SPTBN1: variants seen among roughly 807,000 people sequenced by gnomAD.
The protein encoded by SPTBN1 is spectrin beta, non-erythrocytic 1.
In SPTBN1, 32 loss-of-function variants were observed where a neutral mutation model predicts 266.4. The observed-to-expected ratio is 0.12, with a 90% CI of 0.09 to 0.16. The LOEUF (loss-of-function observed/expected upper bound fraction) is 0.16. Among genes scored for constraint, SPTBN1 ranks in the 10% least tolerant of loss-of-function variants. SPTBN1 has a pLI of 1.00. For synonymous variants in SPTBN1, 1,336 were observed against 1,162.2 expected (o/e 1.15, Z -3.04); for missense variants, 2,296 against 3,067.1 (o/e 0.75, Z 5.94).
intron 1 of SPTBN1, among the ~76,000 whole-genome samples, chr2:54,459,024 C>T (rs1333042499): frequency 1.3e-5 from 2 of 152,040 alleles, no homozygotes; most frequent in Non-Finnish European, 2.9e-5. Flanking sequence ...AATCGTGTTG[C>T]GTACAGATTT....
At chr2:54,490,191 C>A (rs1380117154) in intron 1 of SPTBN1, among the ~76,000 whole-genome samples, 2 of 152,064 alleles carry the variant, frequency 1.3e-5, no homozygotes, top group Non-Finnish European at 2.9e-5. Flanking sequence ...CTTCTTTCAG[C>A]CTCCTGAGTA....
intron 24 of SPTBN1, 41 bp downstream of exon 24, chr2:54,647,302 C>G (rs750385776): frequency 6.2e-7 from 1 of 1,606,880 alleles, no homozygotes; most frequent in Non-Finnish European, 8.5e-7. Flanking sequence ...GCTCTCGATT[C>G]CTCTCAGTTA....
chr2:54,659,352 C>A, intron 31 of SPTBN1, 86 bp downstream of exon 31: 1 of 1,300,310 alleles, frequency 7.7e-7, no homozygotes, highest in Non-Finnish European at 1.1e-6. Flanking sequence ...CCTTGCATTG[C>A]TAGGCCTAAC....
At position 54,558,611 on chromosome 2, in the gene SPTBN1, C is replaced by G; in HGVS notation, c.148+32045C>G. Reference sequence around the variant, plus strand: ...ACTCCTCGCGGAGCTAAGGTGGACTCTCTTGCAGCCAACTTCCCATCAGAT... The same window carrying G: ...ACTCCTCGCGGAGCTAAGGTGGACTGTCTTGCAGCCAACTTCCCATCAGAT... On this transcript the variant is annotated intron_variant, in intron 2 of 35. Transcript: ENST00000356805. This position sits in a 1 kb window ranked among gnomAD's most constrained non-coding sequence, Gnocchi z 4.6. 1 of 1,432,970 alleles carries G rather than the reference C, an allele frequency of 7.0e-7. No homozygotes were observed. Among genetic ancestry groups the G allele is most frequent in the South Asian group, 1.6e-5 (1 of 64,322 alleles). 88.8% of individuals were successfully genotyped at this position (1,432,970 alleles called of 1,614,324 possible). A position where few individuals can be genotyped will look rare whatever the true frequency, so the allele number is the denominator to read the frequency against.
chr2:54,529,876 AAAAAAAAAG>A lies in SPTBN1; in HGVS notation c.148+3311_148+3319del. 1.6e-4 allele frequency: 65 copies of A among 407,828 alleles called. 1 individual carries two copies. Among genetic ancestry groups the A allele is most frequent in the Non-Finnish European group, 2.4e-4 (52 of 219,428 alleles). The allele number at this position is 407,828 out of a possible 1,614,324, so 25.3% of individuals were successfully genotyped here. A position where few individuals can be genotyped will look rare whatever the true frequency, so the allele number is the denominator to read the frequency against. On this transcript the variant is annotated intron_variant, in intron 2 of 35. Transcript: ENST00000356805. ...CCAAAAAAAAAAAAAAAAAAAAAAA[AAAAAAAAAG>A]GTCCACTTGATGTGGGAGTGGTGTG...
intron 17 of SPTBN1, among the ~76,000 whole-genome samples, chr2:54,633,900 T>C (rs1462532208): frequency 1.3e-5 from 2 of 152,212 alleles, no homozygotes; most frequent in African/African-American, 4.8e-5. Context: ...GGCTGAACTA[T>C]ATGTTCTAGG....
intron 1 of SPTBN1, among the ~76,000 whole-genome samples, chr2:54,478,358 G>C (rs1667942786): frequency 1.3e-5 from 2 of 152,134 alleles, no homozygotes. Context: ...TCAAGGACCT[G>C]TAGTGGGTCC....
In SPTBN1 at chr2:54,668,726, G is replaced by T; in HGVS notation, c.*157G>T. 1.7e-6 allele frequency: 1 copy of T among 593,806 alleles called. No individual in the cohort carries two copies. Among genetic ancestry groups the T allele is most frequent in the Non-Finnish European group, 2.8e-6 (1 of 360,090 alleles). The allele number at this position is 593,806 out of a possible 1,614,324, so 36.8% of individuals were successfully genotyped here. Reference sequence around the variant, plus strand: ...ATAGAGCATTTCGGGGGGGGTGGGGGAAACACACCTAAACACTTTATCTCC... The same window carrying T: ...ATAGAGCATTTCGGGGGGGGTGGGGTAAACACACCTAAACACTTTATCTCC... On this transcript the variant is annotated 3_prime_UTR_variant, in exon 36 of 36. Transcript: ENST00000356805.
At chr2:54,570,236 C>T (rs1373724662) in intron 2 of SPTBN1, among the ~76,000 whole-genome samples, 2 of 152,158 alleles carry the variant, frequency 1.3e-5, no homozygotes, top group East Asian at 3.9e-4. Flanking sequence ...CCTTCTTAGC[C>T]TTTCTCTCTC....
At chr2:54,492,352 T>G (rs934711955) in intron 1 of SPTBN1, among the ~76,000 whole-genome samples, 7 of 150,524 alleles carry the variant, frequency 4.7e-5, no homozygotes, top group Admixed American at 2.0e-4. Context: ...TTTTTTTGTT[T>G]TTTTTTTTTT....
At chr2:54,667,915 T>C (rs1182250813) in intron 35 of SPTBN1, among the ~76,000 whole-genome samples, 1 of 152,158 alleles carries the variant, frequency 6.6e-6, no homozygotes, top group Non-Finnish European at 1.5e-5. Flanking sequence ...AGTGAGGTGG[T>C]CCCAGGACTG....
chr2:54,613,193 A>G (rs1392641514), intron 4 of SPTBN1, among the ~76,000 whole-genome samples: 1 of 152,222 alleles, frequency 6.6e-6, no homozygotes, highest in Non-Finnish European at 1.5e-5. Context: ...AAAGGCAGGA[A>G]CAACTTTGTA....
At chr2:54,541,764 A>C (rs1275461092) in intron 2 of SPTBN1, among the ~76,000 whole-genome samples, 1 of 152,236 alleles carries the variant, frequency 6.6e-6, no homozygotes, top group Non-Finnish European at 1.5e-5. Context: ...CATTTCAGTA[A>C]GGAATATATT....
intron 3 of SPTBN1, among the ~76,000 whole-genome samples, chr2:54,602,632 C>T (rs538947070): frequency 6.6e-6 from 1 of 152,264 alleles, no homozygotes; most frequent in South Asian, 2.1e-4. Context: ...TCAGTTATCA[C>T]TGGTTTTTGC....
intron 2 of SPTBN1, chr2:54,546,394 A>C: frequency 6.6e-6 from 1 of 152,204 alleles, no homozygotes; most frequent in East Asian, 1.9e-4. Flanking sequence ...TATCTGTTAA[A>C]GTGATCTGTA....
At chr2:54,615,296 G>C (rs554788626) in intron 4 of SPTBN1, among the ~76,000 whole-genome samples, 7 of 152,252 alleles carry the variant, frequency 4.6e-5, no homozygotes, top group South Asian at 2.1e-4. Flanking sequence ...AGGTAGTGGG[G>C]AGCATGACAG....
intron 4 of SPTBN1, among the ~76,000 whole-genome samples, chr2:54,615,138 T>C (rs1237145718): frequency 2.4e-4 from 2 of 8,470 alleles, no homozygotes; most frequent in African/African-American, 9.7e-3. Flanking sequence ...AATAGAGAAT[T>C]TTTTTTTAAT....
rs1680115432 is a variant in SPTBN1, at chr2:54,649,290, T to G, written c.5202+100T>G. On this transcript the variant is annotated intron_variant, in intron 25 of 35. Coordinates refer to ENST00000356805, the MANE Select transcript of SPTBN1 (RefSeq NM_003128.3). The surrounding 1 kb of genome is among the most constrained non-coding windows in gnomAD (Gnocchi z 6.7). Reference sequence around the variant, plus strand: ...TGTGAGCAGATAAAATGCCCTGGACTCCAATCAGAGGTCTTGGGGTTTAGT... The same window carrying G: ...TGTGAGCAGATAAAATGCCCTGGACGCCAATCAGAGGTCTTGGGGTTTAGT... 1.5e-6 allele frequency: 2 copies of G among 1,305,900 alleles called. No homozygotes were observed. Among genetic ancestry groups the G allele is most frequent in the African/African-American group, 2.9e-5 (2 of 67,814 alleles). 80.9% of individuals were successfully genotyped at this position (1,305,900 alleles called of 1,614,324 possible).
chr2:54,499,431 C>T (rs1024306290), intron 1 of SPTBN1, among the ~76,000 whole-genome samples: 1 of 152,066 alleles, frequency 6.6e-6, no homozygotes, highest in East Asian at 1.9e-4. Context: ...GGCTTTTGAA[C>T]CATAACTGAT....
Sources: gnomAD v4.1 joint callset for allele counts (sites outside exome capture counted in the v4.1 genomes callset) on GRCh38, gnomAD v4.1.1 for gene constraint, Gnocchi (gnomAD v3.1) non-coding constraint, MANE v1.5 for transcripts, NCBI Gene and HGNC (gene_info 2026-07-23, HGNC 2026-07-21) for gene names.